Variants in PPT1 observed in about 807,000 individuals in gnomAD.
The protein encoded by PPT1 is palmitoyl-protein thioesterase 1, also known as ceroid-palmitoyl-palmitoyl-protein thioesterase 1.
Under a neutral mutation model 44.0 loss-of-function variants are expected in PPT1, and 24 were observed. The observed-to-expected ratio is 0.54, with a 90% confidence interval of 0.39 to 0.77. PPT1 has a LOEUF of 0.77. Ranked by LOEUF, PPT1 falls within the 30% of genes least tolerant of loss-of-function variation. The pLI is 0.00. For missense variants in PPT1, 341 were observed against 378.8 expected (o/e 0.90, Z 0.83); for synonymous variants, 148 against 140.2 (o/e 1.06, Z -0.39).
chr1:40,072,130 G>T (rs2124459339), downstream of PPT1: 1 of 399,814 alleles, frequency 2.5e-6, no homozygotes, highest in Admixed American at 4.4e-5. Context: ...CGTGAGATAG[G>T]AGAGTCTCTG....
rs1230237455 is a variant in PPT1, at chr1:40,073,074, G to GA, written c.*986dup. 1 of 152,228 alleles carries GA rather than the reference G, an allele frequency of 6.6e-6. No homozygotes were observed. The highest frequency in any genetic ancestry group is 1.9e-4 in the East Asian group (1 of 5,200). 9.4% of individuals were successfully genotyped at this position (152,228 alleles called of 1,614,324 possible). A position where few individuals can be genotyped will look rare whatever the true frequency, so the allele number is the denominator to read the frequency against. ...TAATGTGGGTTGATCTCCAGAAGGA[G>GA]AAAGGGAGTGTGTAGTATTTTCCAA... On this transcript the variant is annotated 3_prime_UTR_variant, in exon 9 of 9. Coordinates refer to ENST00000642050, the MANE Select transcript of PPT1 (RefSeq NM_000310.4).
rs1247243799 is a variant in PPT1 at position 40,092,505 on chromosome 1, C to G, written c.127G>C (p.Asp43His). 1 of 1,607,072 alleles carries G rather than the reference C, an allele frequency of 6.2e-7. No individual in the cohort carries two copies. Among genetic ancestry groups the G allele is most frequent in the Admixed American group, 1.7e-5 (1 of 60,014 alleles). The change falls in exon 2 of 9, where the codon GAC becomes CAC. Residue 43 changes from aspartate (D) to histidine (H), a missense_variant and splice_region_variant. Physicochemically the swap from Asp to His is moderately conservative, Grantham distance 81. Coordinates refer to ENST00000642050, the MANE Select transcript of PPT1 (RefSeq NM_000310.4). ...ATGCTTAAGGGATTGCAACAGCTGT[C>G]TCCTAGCCAACAAAACACAATGATG... ...LPLVIWHGMG[D>H]SCCNPLSMGA... is the part of the protein sequence containing the mutation.
intron 1 of PPT1, among the ~76,000 whole-genome samples, chr1:40,092,731 G>A (rs549859154): frequency 3.9e-5 from 6 of 152,148 alleles, no homozygotes; most frequent in Non-Finnish European, 8.8e-5. Context: ...TTTAAAAATG[G>A]GAAAAGAAAT....
At chr1:40,096,330 C>A (rs540159708) in intron 1 of PPT1, among the ~76,000 whole-genome samples, 32 of 152,210 alleles carry the variant, frequency 2.1e-4, no homozygotes, top group African/African-American at 7.5e-4. Context: ...TCCAAAAGAA[C>A]AAAGAATTTA....
At chr1:40,088,846 T>C (rs1310202809) in intron 5 of PPT1, among the ~76,000 whole-genome samples, 1 of 152,222 alleles carries the variant, frequency 6.6e-6, no homozygotes, top group Admixed American at 6.5e-5. Context: ...TTTCTGTTTG[T>C]TTTTTAAGGA....
Position 40,092,416 on chromosome 1 carries a change from A to T in PPT1, c.216T>A (p.Ile72=). 6.2e-7 allele frequency: 1 copy of T among 1,611,744 alleles called. No individual in the cohort carries two copies. Among genetic ancestry groups the T allele is most frequent in the Non-Finnish European group, 8.5e-7 (1 of 1,177,804 alleles). ...GCCTTACCTCCATCAGGGTCTTCCC[A>T]ATCTCTAAAGATAAGACGTAAATTC... ...IPGIYVLSLE[I]GKTLMEDVEN... is the part of the protein sequence containing the mutation. Residue 72 remains isoleucine (I), a synonymous_variant, in exon 2 of 9, where the codon ATT becomes ATA. Coordinates refer to ENST00000642050, the MANE Select transcript of PPT1 (RefSeq NM_000310.4).
downstream of PPT1, chr1:40,072,251 GGA>G: frequency 1.7e-5 from 4 of 241,220 alleles, no homozygotes; most frequent in Non-Finnish European, 2.0e-5. Flanking sequence ...GACTTTAAAA[GGA>G]AAAAAAAAAA....
chr1:40,086,785 G>C (rs1649285563), intron 5 of PPT1, among the ~76,000 whole-genome samples: 1 of 151,270 alleles, frequency 6.6e-6, no homozygotes, highest in African/African-American at 2.4e-5. Context: ...GAAAGAAGCA[G>C]CGACACAGAG....
At chr1:40,092,864 A>G (rs1391636376) in intron 1 of PPT1, among the ~76,000 whole-genome samples, 3 of 152,250 alleles carry the variant, frequency 2.0e-5, no homozygotes, top group African/African-American at 7.2e-5. Context: ...ATAATTTTTT[A>G]ATAGAAAATA....
chr1:40,081,567 TAGAA>T (rs888370135), intron 5 of PPT1, among the ~76,000 whole-genome samples: 27 of 6,486 alleles, frequency 4.2e-3, no homozygotes, highest in South Asian at 0.029. Flanking sequence ...AATAAATAAA[TAGAA>T]AATAAAATTA....
intron 1 of PPT1, 140 bp from the exon 2 acceptor site, chr1:40,092,647 C>A: frequency 1.4e-6 from 1 of 727,450 alleles, no homozygotes; most frequent in South Asian, 1.5e-5. Context: ...AAACAGTTAT[C>A]TGATAAGGGC....
chr1:40,074,658 G>A (rs1220048980), intron 8 of PPT1, among the ~76,000 whole-genome samples: 1 of 151,880 alleles, frequency 6.6e-6, no homozygotes. Flanking sequence ...TAGTAGAGAT[G>A]GGGTTTCACT....
chr1:40,092,616 G>C, intron 1 of PPT1, 109 bp from the exon 2 acceptor site: 3 of 898,586 alleles, frequency 3.3e-6, no homozygotes, highest in Middle Eastern at 2.4e-4. Context: ...ACAATGTATA[G>C]AATGGAAGAA....
Position 40,075,958 on chromosome 1 carries a change from CAAAAAAAAAAAAAAAAAA to C in PPT1, c.798+866_798+883del, listed in dbSNP as rs56338772. Among the ~76,000 whole-genome samples the C allele has an allele frequency of 9.1e-4, 38 of 41,848 alleles. 2 individuals carry two copies. The highest frequency in any genetic ancestry group is 3.7e-3 in the African/African-American group (32 of 8,708). 27.5% of individuals were successfully genotyped at this position (41,848 alleles called of 152,430 possible). On this transcript the variant is annotated intron_variant, in intron 8 of 8. Coordinates refer to ENST00000642050, the MANE Select transcript of PPT1 (RefSeq NM_000310.4). ...CCTGGGTGACAAAGCAAGACTGTCT[CAAAAAAAAAAAAAAAAAA>C]AAAAAAAAAAAAAAATCCTTAAAGT...
intron 5 of PPT1, among the ~76,000 whole-genome samples, chr1:40,081,288 C>T (rs1215986326): frequency 1.3e-5 from 2 of 152,090 alleles, no homozygotes; most frequent in Non-Finnish European, 2.9e-5. Context: ...ATAATCCCAG[C>T]ACTTTGGGAG....
At chr1:40,091,496 C>T (rs1649562314) in intron 3 of PPT1, 97 bp from the exon 4 acceptor site, 1 of 1,061,648 alleles carries the variant, frequency 9.4e-7, no homozygotes, top group South Asian at 1.3e-5. Flanking sequence ...TCTGTGACTC[C>T]CCAAACCCGC....
At position 40,092,407 on chromosome 1, in the gene PPT1, G is replaced by C; in HGVS notation, c.225C>G (p.Thr75=). The change falls in exon 2 of 9, where the codon ACC becomes ACG. Residue 75 remains threonine, a synonymous_variant. Transcript: ENST00000642050. ...IYVLSLEIGK[T]LMEDVENSFF... is the part of the protein sequence containing the mutation. ...CTGTGAAGCGCCTTACCTCCATCAG[G>C]GTCTTCCCAATCTCTAAAGATAAGA... The C allele has an allele frequency of 6.2e-7, 1 of 1,608,042 alleles. No individual in the cohort carries two copies.
chr1:40,087,468 C>T (rs903977701), intron 5 of PPT1, among the ~76,000 whole-genome samples: 2 of 151,962 alleles, frequency 1.3e-5, no homozygotes, highest in African/African-American at 4.8e-5. Context: ...GTCTTGAACT[C>T]CAGGCCTCAA....
intron 5 of PPT1, among the ~76,000 whole-genome samples, chr1:40,084,934 G>A (rs761273964): frequency 7.9e-5 from 12 of 152,148 alleles, no homozygotes; most frequent in African/African-American, 2.7e-4. Flanking sequence ...GTTGCCAAGC[G>A]GACCGTGGTC....
Sources: allele counts gnomAD v4.1 joint callset (sites outside exome capture counted in the v4.1 genomes callset), GRCh38; gene constraint gnomAD v4.1.1; transcripts MANE v1.5; gene names NCBI Gene and HGNC (gene_info 2026-07-23, HGNC 2026-07-21).